ZFAND3: variants seen among roughly 807,000 people sequenced by gnomAD.
ZFAND3 encodes AN1-type zinc finger protein 3.
In ZFAND3, 10 loss-of-function variants were observed where a neutral mutation model predicts 29.6. That is an observed-to-expected ratio of 0.34 (90% CI 0.21 to 0.57). The LOEUF is 0.57. Among genes scored for constraint, ZFAND3 ranks in the 20% least tolerant of loss-of-function variants. The pLI is 0.86. For missense variants in ZFAND3, 230 were observed against 304.5 expected (o/e 0.76, Z 1.82); for synonymous variants, 128 against 112.6 (o/e 1.14, Z -0.87).
chr6:37,824,075 C>A (rs566975146), intron 1 of ZFAND3, among the ~76,000 whole-genome samples: 3 of 152,146 alleles, frequency 2.0e-5, no homozygotes. Flanking sequence ...CGCGCCTGGC[C>A]GGTATATATT....
chr6:38,021,617 C>T (rs1763351382), intron 2 of ZFAND3, among the ~76,000 whole-genome samples: 2 of 152,180 alleles, frequency 1.3e-5, no homozygotes, highest in Admixed American at 6.5e-5. Context: ...ATTGCAGTAC[C>T]ATAATCTGTC....
intron 1 of ZFAND3, among the ~76,000 whole-genome samples, chr6:37,902,411 T>C (rs1180280210): frequency 6.6e-6 from 1 of 152,168 alleles, no homozygotes; most frequent in Non-Finnish European, 1.5e-5. Flanking sequence ...AGGCTGCGGC[T>C]GTGGTGAGCT....
intron 5 of ZFAND3, among the ~76,000 whole-genome samples, chr6:38,144,211 A>ATATTATATATATATATATATATATATAT (rs70981524): frequency 4.4e-5 from 2 of 45,880 alleles, no homozygotes; most frequent in Non-Finnish European, 7.9e-5. Flanking sequence ...ATATATATAT[A>ATATTATATATATATATATATATATATAT]ATATATAATA....
intron 4 of ZFAND3, among the ~76,000 whole-genome samples, chr6:38,104,934 A>C (rs574506663): frequency 6.4e-4 from 97 of 152,274 alleles, no homozygotes; most frequent in African/African-American, 2.1e-3. Context: ...AAGTGTAGCA[A>C]CTGTTGGAGA....
chr6:38,142,167 C>T (rs1322189082), intron 5 of ZFAND3: 6 of 470,884 alleles, frequency 1.3e-5, no homozygotes, highest in Admixed American at 7.0e-5. Context: ...TCTCCCTACC[C>T]CAGTTTCTCA....
At chr6:38,104,009 G>C (rs1052514395) in intron 4 of ZFAND3, among the ~76,000 whole-genome samples, 2 of 152,208 alleles carry the variant, frequency 1.3e-5, no homozygotes, top group African/African-American at 4.8e-5. Context: ...TGAGAAAAAA[G>C]TAATATAGTT....
In ZFAND3 at chr6:38,133,310, A is replaced by AT. The variant is rs1765778037; in HGVS notation, c.529+16573dup. Among the ~76,000 whole-genome samples the AT allele has an allele frequency of 2.6e-5, 4 of 152,226 alleles. 1 individual carries two copies. The South Asian group carries it at 8.3e-4, about 32-fold the overall frequency. ...TGCAGTGCCTGGCGTGCGGTGACAC[A>AT]TTAATAGACACTTGAATACACTGTG... On this transcript the variant is annotated intron_variant, in intron 5 of 5. Transcript: ENST00000287218.
rs869032328 is a variant in ZFAND3, at chr6:37,864,735, TTA to T, written c.71+44722_71+44723del. Among the ~76,000 whole-genome samples, 51 of 86,810 alleles carry T rather than the reference TTA, an allele frequency of 5.9e-4. 1 individual carries two copies. The highest frequency in any genetic ancestry group is 2.2e-3 in the African/African-American group (37 of 16,538). The allele number at this position is 86,810 out of a possible 152,430, so 57.0% of individuals were successfully genotyped here. A position where few individuals can be genotyped will look rare whatever the true frequency, so the allele number is the denominator to read the frequency against. On this transcript the variant is annotated intron_variant, in intron 1 of 5. Transcript: ENST00000287218. The stretch of plus-strand genomic sequence containing the variant: ...TGTTTATGTATGTTTATATATGTGG[TTA>T]TACACACACACACACACACACACAC...
chr6:38,004,447 T>A (rs1763007573), intron 2 of ZFAND3, among the ~76,000 whole-genome samples: 1 of 144,304 alleles, frequency 6.9e-6, no homozygotes, highest in Non-Finnish European at 1.5e-5. Flanking sequence ...CCTTCCCCTC[T>A]CCCCCTTCCC....
intron 1 of ZFAND3, among the ~76,000 whole-genome samples, chr6:37,873,672 T>A (rs1764741340): frequency 6.6e-6 from 1 of 152,210 alleles, no homozygotes; most frequent in Non-Finnish European, 1.5e-5. Flanking sequence ...ATTGATCTTC[T>A]TAGGGAGCAT....
At chr6:37,911,058 CA>C (rs1765512275) in intron 1 of ZFAND3, among the ~76,000 whole-genome samples, 1 of 152,148 alleles carries the variant, frequency 6.6e-6, no homozygotes, top group South Asian at 2.1e-4. Flanking sequence ...GATATATACG[CA>C]GAAGTGGAAT....
chr6:37,909,807 C>G (rs1181729087), intron 1 of ZFAND3, among the ~76,000 whole-genome samples: 3 of 151,850 alleles, frequency 2.0e-5, no homozygotes, highest in Non-Finnish European at 2.9e-5. Context: ...TACAGCATGT[C>G]AATAATATCA....
chr6:38,148,859 C>T (rs543004008), intron 5 of ZFAND3, among the ~76,000 whole-genome samples: 28 of 152,152 alleles, frequency 1.8e-4, no homozygotes, highest in Non-Finnish European at 3.5e-4. Flanking sequence ...ACATAACTTC[C>T]TCTTAGTGAA....
At chr6:37,954,117 A>G (rs1358698861) in intron 2 of ZFAND3, among the ~76,000 whole-genome samples, 4 of 151,922 alleles carry the variant, frequency 2.6e-5, no homozygotes, top group Admixed American at 2.6e-4. Context: ...CATATTTAAC[A>G]TATCCTTTTT....
chr6:37,824,268 TATACAC>T lies in ZFAND3; in HGVS notation c.71+4259_71+4264del, dbSNP rs141232870. Among the ~76,000 whole-genome samples the T allele has an allele frequency of 1.7e-3, 261 of 152,354 alleles. 1 individual carries two copies. Among genetic ancestry groups the T allele is most frequent in the African/African-American group, 6.0e-3 (250 of 41,578 alleles). On this transcript the variant is annotated intron_variant, in intron 1 of 5. Transcript: ENST00000287218. ...ATTAGTACACTTTCTTTAGATGAAA[TATACAC>T]ATACACGAAAACACTTTTAAACTAT...
At chr6:37,879,556 A>G (rs1017584088) in intron 1 of ZFAND3, among the ~76,000 whole-genome samples, 37 of 152,174 alleles carry the variant, frequency 2.4e-4, no homozygotes, top group African/African-American at 8.7e-4. Context: ...CTAGAACCCA[A>G]TTAAATGAGT....
At chr6:37,992,332 A>G (rs186770960) in intron 2 of ZFAND3, among the ~76,000 whole-genome samples, 57 of 152,234 alleles carry the variant, frequency 3.7e-4, no homozygotes, top group Non-Finnish European at 5.3e-4. Flanking sequence ...AAAACCTAGT[A>G]TAGTGCAAAT....
At chr6:37,891,864 G>T (rs1205726644) in intron 1 of ZFAND3, among the ~76,000 whole-genome samples, 1 of 152,032 alleles carries the variant, frequency 6.6e-6, no homozygotes, top group Non-Finnish European at 1.5e-5. Flanking sequence ...GAGTAGTTGG[G>T]ATTACAGGTG....
intron 2 of ZFAND3, among the ~76,000 whole-genome samples, chr6:37,996,032 G>A (rs1026117428): frequency 6.6e-6 from 1 of 151,896 alleles, no homozygotes; most frequent in South Asian, 2.1e-4. Flanking sequence ...GGGAAGCTCA[G>A]GCAGGAGAAT....
Sources: gnomAD v4.1 joint callset for allele counts (sites outside exome capture counted in the v4.1 genomes callset) on GRCh38, gnomAD v4.1.1 for gene constraint, MANE v1.5 for transcripts, NCBI Gene and HGNC (gene_info 2026-07-23, HGNC 2026-07-21) for gene names.